UNC13B: variants seen among roughly 807,000 people sequenced by gnomAD.
UNC13B encodes the protein unc-13 homolog B.
UNC13B carries 144 observed loss-of-function variants against 211.0 expected under a neutral mutation model. That is an observed-to-expected ratio of 0.68 (90% CI 0.60 to 0.78). The LOEUF (loss-of-function observed/expected upper bound fraction) is 0.78, where lower values mean the gene tolerates loss of function less well. UNC13B is among the 30% of genes least tolerant of loss of function. The pLI is 0.00. For synonymous variants in UNC13B, 709 were observed against 725.8 expected, an observed-to-expected ratio of 0.98 and a Z score of 0.37; for missense variants, 1,777 against 2,002.0, an observed-to-expected ratio of 0.89 and a Z score of 2.14.
intron 1 of UNC13B, among the ~76,000 whole-genome samples, chr9:35,165,349 A>G (rs186156697): frequency 1.8e-4 from 28 of 152,170 alleles, no homozygotes; most frequent in Non-Finnish European, 3.4e-4. Context: ...CTAAACAGAA[A>G]TTGAATGAGT....
chr9:35,359,996 T>C (rs144954246), intron 11 of UNC13B, among the ~76,000 whole-genome samples: 4 of 152,318 alleles, frequency 2.6e-5, no homozygotes, highest in African/African-American at 7.2e-5. Flanking sequence ...TTTGAACTGG[T>C]ACTTTATTGC....
chr9:35,273,728 C>G (rs1015157620), intron 7 of UNC13B, among the ~76,000 whole-genome samples: 1 of 152,228 alleles, frequency 6.6e-6, no homozygotes, highest in Non-Finnish European at 1.5e-5. Context: ...AAACGCTAGG[C>G]AGGTACTGCC....
At chr9:35,204,117 TG>T (rs1823499147) in intron 1 of UNC13B, among the ~76,000 whole-genome samples, 1 of 152,248 alleles carries the variant, frequency 6.6e-6, no homozygotes, top group Non-Finnish European at 1.5e-5. Context: ...AGGTATAGCT[TG>T]GGCTGCTGCT....
intron 11 of UNC13B, chr9:35,364,655 G>C: frequency 7.2e-7 from 1 of 1,382,162 alleles, no homozygotes; most frequent in Non-Finnish European, 9.8e-7. Flanking sequence ...GTATGTGTGT[G>C]TGTGTGTGTA....
chr9:35,309,417 A>G (rs571150888), intron 9 of UNC13B, among the ~76,000 whole-genome samples: 1 of 152,302 alleles, frequency 6.6e-6, no homozygotes, highest in South Asian at 2.1e-4. Flanking sequence ...TTGGAAAATA[A>G]CAGTGATTTC....
chr9:35,168,841 T>C (rs1381343444), intron 1 of UNC13B, among the ~76,000 whole-genome samples: 1 of 151,910 alleles, frequency 6.6e-6, no homozygotes, highest in South Asian at 2.1e-4. Context: ...TAGCTGGAAC[T>C]ACAGGCTTTC....
At chr9:35,353,155 C>T in intron 11 of UNC13B, 2 of 1,232,016 alleles carry the variant, frequency 1.6e-6, no homozygotes, top group Non-Finnish European at 2.0e-6. Context: ...TTCATATTGA[C>T]CTGAATGAAG....
intron 1 of UNC13B, 135 bp from the exon 2 acceptor site, chr9:35,227,880 C>T (rs1455750344): frequency 1.6e-6 from 1 of 641,042 alleles, no homozygotes; most frequent in Non-Finnish European, 2.5e-6. Context: ...TCAGAAGTCT[C>T]AGCTTTTTTT....
At chr9:35,254,163 A>G (rs1218890053) in intron 6 of UNC13B, among the ~76,000 whole-genome samples, 2 of 152,256 alleles carry the variant, frequency 1.3e-5, no homozygotes, top group East Asian at 1.9e-4. Flanking sequence ...ACAGTAAGCA[A>G]GAAATATAAT....
intron 5 of UNC13B, among the ~76,000 whole-genome samples, chr9:35,239,592 C>T (rs906957159): frequency 6.6e-6 from 1 of 152,086 alleles, no homozygotes; most frequent in African/African-American, 2.4e-5. Flanking sequence ...ACTGGTCTGA[C>T]CAAAATTTAT....
In UNC13B at chr9:35,380,451, C is replaced by G. The variant is rs776075352; in HGVS notation, c.10206-19C>G. On this transcript the variant is annotated intron_variant, in intron 17 of 39. Transcript: ENST00000635942. ...CTACTGGGTCTGCCCCTAACAGAGCCTGCCTAATTCTCTCACAGTGAGTGC... is the reference window on the plus strand; with the variant it reads ...CTACTGGGTCTGCCCCTAACAGAGCGTGCCTAATTCTCTCACAGTGAGTGC... 6.2e-7 allele frequency: 1 copy of G among 1,612,016 alleles called. No homozygotes were observed. Among genetic ancestry groups the G allele is most frequent in the South Asian group, 1.1e-5 (1 of 90,908 alleles).
Position 35,306,678 on chromosome 9 carries a change from C to T in UNC13B, c.7274C>T (p.Ala2425Val), listed in dbSNP as rs1829940379. 2.5e-6 allele frequency: 1 copy of T among 398,932 alleles called. No homozygotes were observed. The highest frequency in any genetic ancestry group is 4.4e-6 in the Non-Finnish European group (1 of 226,084). The allele number at this position is 398,932 out of a possible 1,614,324, so 24.7% of individuals were successfully genotyped here. The change falls in exon 9 of 40, where the codon GCC (alanine) becomes GTC (valine). Residue 2425 changes from alanine to valine, a missense_variant. Coordinates refer to ENST00000635942, the MANE Select transcript of UNC13B (RefSeq NM_001371189.2). ...GTCTTACCACAGATCCTAGAGCCAG[C>T]CTCTTCCTCTCCAGAGCCAGGGTGT... is the stretch of plus-strand genomic sequence containing the variant. ...DEVLPQILEPASSSPEPGCAG... is the reference protein window; with the variant it reads ...DEVLPQILEPVSSSPEPGCAG...
intron 5 of UNC13B, among the ~76,000 whole-genome samples, chr9:35,241,689 C>A (rs75675281): frequency 0.016 from 2,444 of 152,188 alleles, 50 homozygotes; most frequent in African/African-American, 0.056. Context: ...GGTGAATCAT[C>A]CCACATCAGA....
intron 6 of UNC13B, among the ~76,000 whole-genome samples, chr9:35,254,620 T>C (rs924049501): frequency 1.3e-5 from 2 of 152,006 alleles, no homozygotes; most frequent in Admixed American, 6.6e-5. Context: ...TAGATTTTTT[T>C]CCCTAATTGT....
chr9:35,228,212 TG>T (rs1193716729), intron 2 of UNC13B, among the ~76,000 whole-genome samples, 168 bp downstream of exon 2: 35 of 152,306 alleles, frequency 2.3e-4, no homozygotes, highest in African/African-American at 8.4e-4. Context: ...TCTTACCTCT[TG>T]GCTAACCCAA....
chr9:35,400,167 GC>G, intron 36 of UNC13B, 128 bp from the exon 37 acceptor site: 3 of 1,320,672 alleles, frequency 2.3e-6, no homozygotes, highest in Non-Finnish European at 3.1e-6. Flanking sequence ...AAGAGCCTAT[GC>G]TCTGGTTCTG....
At chr9:35,194,659 G>A (rs1409390115) in intron 1 of UNC13B, among the ~76,000 whole-genome samples, 1 of 152,166 alleles carries the variant, frequency 6.6e-6, no homozygotes, top group African/African-American at 2.4e-5. Context: ...TAGTTCTAAA[G>A]TGGAGGCCAA....
chr9:35,310,689 A>G lies in UNC13B; in HGVS notation c.9231A>G (p.Ala3077=), dbSNP rs1325207814. The G allele has an allele frequency of 1.9e-6, 3 of 1,614,026 alleles. No homozygotes were observed. The highest frequency in any genetic ancestry group is 2.2e-5 in the South Asian group (2 of 91,070). The part of the protein sequence containing the change: ...EVTGQAEKEA[A]CEPKEMKEDA... ...CAGGTCAAGCAGAGAAGGAGGCAGC[A>G]TGTGAACCCAAGGAGATGAAAGAAG... The change falls in exon 10 of 40, where the codon GCA becomes GCG. Residue 3077 remains alanine, a synonymous_variant. Coordinates refer to ENST00000635942, the MANE Select transcript of UNC13B (RefSeq NM_001371189.2).
intron 5 of UNC13B, among the ~76,000 whole-genome samples, chr9:35,242,959 T>G (rs1460824889): frequency 1.3e-5 from 2 of 152,178 alleles, no homozygotes; most frequent in Non-Finnish European, 2.9e-5. Flanking sequence ...GTAGTATGGT[T>G]ACATAGAAAG....
Sources: allele counts gnomAD v4.1 joint callset (sites outside exome capture counted in the v4.1 genomes callset), GRCh38; gene constraint gnomAD v4.1.1; transcripts MANE v1.5; gene names NCBI Gene and HGNC (gene_info 2026-07-23, HGNC 2026-07-21).